The following ZNF536 variants were observed in gnomAD, a reference collection of about 807,000 sequenced individuals.
The protein encoded by ZNF536 is zinc finger protein 536.
Under a neutral mutation model 84.5 loss-of-function variants are expected in ZNF536, and 13 were observed. The observed-to-expected ratio is 0.15, with a 90% CI of 0.10 to 0.24. The LOEUF (loss-of-function observed/expected upper bound fraction) is 0.24. ZNF536 is among the 10% of genes least tolerant of loss of function. ZNF536 has a pLI of 1.00. For missense variants in ZNF536, 1,536 were observed against 1,747.5 expected (o/e 0.88, Z 2.16); for synonymous variants, 811 against 742.5 (o/e 1.09, Z -1.50).
chr19:30,476,892 G>A (rs964277241), intron 2 of ZNF536, among the ~76,000 whole-genome samples: 2 of 152,030 alleles, frequency 1.3e-5, no homozygotes, highest in Non-Finnish European at 2.9e-5. Flanking sequence ...TGCTCTTTCT[G>A]TCACTCCTCA....
At chr19:30,407,794 A>T (rs1386281378) in intron 1 of ZNF536, among the ~76,000 whole-genome samples, 1 of 152,172 alleles carries the variant, frequency 6.6e-6, no homozygotes, top group African/African-American at 2.4e-5. Context: ...ACCCTTCTTG[A>T]TGAGTGCAAA....
At chr19:30,655,044 G>A (rs767129311) in intron 1 of ZNF536, among the ~76,000 whole-genome samples, 4 of 152,210 alleles carry the variant, frequency 2.6e-5, no homozygotes, top group Non-Finnish European at 5.9e-5. Flanking sequence ...CTCCTACAAC[G>A]AAGCACTCTG....
At chr19:30,442,461 A>G (rs1009350408) in intron 1 of ZNF536, among the ~76,000 whole-genome samples, 4 of 152,220 alleles carry the variant, frequency 2.6e-5, no homozygotes, top group Non-Finnish European at 5.9e-5. Flanking sequence ...AAAACACTCA[A>G]ACTTGGTTGA....
intron 2 of ZNF536, among the ~76,000 whole-genome samples, chr19:30,452,119 T>C (rs2052634985): frequency 6.6e-6 from 1 of 152,168 alleles, no homozygotes; most frequent in African/African-American, 2.4e-5. Context: ...GAAGCAGGTA[T>C]CACGAGCTTC....
In ZNF536 at chr19:30,348,395, G is replaced by A. The variant is rs1600325633; in HGVS notation, c.-119-3973G>A. 1.3e-5 allele frequency among the ~76,000 whole-genome samples: 2 copies of A among 152,208 alleles called. 1 individual carries two copies. Among genetic ancestry groups the A allele is most frequent in the Admixed American group, 1.3e-4 (2 of 15,298 alleles). Reference sequence around the variant, plus strand: ...CATTTTTTTGTGGCCTGGGAGAGGTGCAGGCTAAACTCATCCACCGTGACT... The same window carrying A: ...CATTTTTTTGTGGCCTGGGAGAGGTACAGGCTAAACTCATCCACCGTGACT... On this transcript the variant is annotated intron_variant, in intron 2 of 5. Transcript: ENST00000585628.
chr19:30,309,835 C>T (rs183922661), intron 2 of ZNF536, among the ~76,000 whole-genome samples: 17 of 152,200 alleles, frequency 1.1e-4, no homozygotes, highest in Non-Finnish European at 2.5e-4. Context: ...GTGACTTCGA[C>T]GGCTTTGCTC....
intron 1 of ZNF536, among the ~76,000 whole-genome samples, chr19:30,638,941 TC>T (rs1315895678): frequency 6.6e-6 from 1 of 152,226 alleles, no homozygotes; most frequent in Non-Finnish European, 1.5e-5. Context: ...CCAGTTGATT[TC>T]TTTTGGCGAT....
intron 2 of ZNF536, among the ~76,000 whole-genome samples, chr19:30,501,172 C>T (rs1312059831): frequency 6.6e-6 from 1 of 152,208 alleles, no homozygotes; most frequent in African/African-American, 2.4e-5. Context: ...AGGACCACCA[C>T]TGCCCATATT....
At chr19:30,628,785 ACCT>A (rs1437044316) in intron 1 of ZNF536, among the ~76,000 whole-genome samples, 2 of 151,140 alleles carry the variant, frequency 1.3e-5, no homozygotes, top group African/African-American at 4.9e-5. Flanking sequence ...TGCAACCTCC[ACCT>A]CCTGGGTCCT....
At position 30,547,998 on chromosome 19, in the gene ZNF536, C is replaced by T; in HGVS notation, c.2379C>T (p.Ser793=). The stretch of plus-strand genomic sequence containing the variant: ...ACTATGCCGGCACGCAGTCAGCATC[C>T]TTAAAATACCACTTAGAGCGACACC... ...HCDYAGTQSA[S]LKYHLERHHR... is the part of the protein sequence containing the mutation. The change falls in exon 4 of 5, where the codon TCC becomes TCT. Residue 793 remains serine (S), a synonymous_variant. Transcript: ENST00000355537. 1 of 1,607,804 alleles carries T rather than the reference C, an allele frequency of 6.2e-7. No homozygotes were observed. Among genetic ancestry groups the T allele is most frequent in the Non-Finnish European group, 8.5e-7 (1 of 1,176,996 alleles).
At chr19:30,412,858 A>T (rs1600629300) in intron 1 of ZNF536, among the ~76,000 whole-genome samples, 1 of 152,014 alleles carries the variant, frequency 6.6e-6, no homozygotes, top group East Asian at 1.9e-4. Context: ...CATAAAAGTG[A>T]TGAGGCTTTT....
chr19:30,449,967 G>T (rs564220912), intron 2 of ZNF536, among the ~76,000 whole-genome samples: 9 of 151,484 alleles, frequency 5.9e-5, no homozygotes, highest in Admixed American at 3.9e-4. Context: ...CCCTGCCCCC[G>T]TTCACGATAA....
chr19:30,339,660 C>T (rs1423574624), intron 2 of ZNF536, among the ~76,000 whole-genome samples: 2 of 152,124 alleles, frequency 1.3e-5, no homozygotes, highest in African/African-American at 4.8e-5. Flanking sequence ...GAGGGTTGCC[C>T]TCTGGGGGCT....
At chr19:30,254,733 G>T (rs76102530) in intron 1 of ZNF536, among the ~76,000 whole-genome samples, 2 of 152,180 alleles carry the variant, frequency 1.3e-5, no homozygotes, top group African/African-American at 4.8e-5. Context: ...TTGTTTGTGT[G>T]GTTTCACTTT....
chr19:30,478,230 G>C (rs1256824744), intron 2 of ZNF536, among the ~76,000 whole-genome samples: 1 of 149,704 alleles, frequency 6.7e-6, no homozygotes, highest in Non-Finnish European at 1.5e-5. Flanking sequence ...TATATGCTAT[G>C]AAGTCATTTT....
intron 1 of ZNF536, among the ~76,000 whole-genome samples, chr19:30,585,262 A>G (rs1413992667): frequency 6.6e-6 from 1 of 152,198 alleles, no homozygotes; most frequent in Non-Finnish European, 1.5e-5. Context: ...CTGTACATGG[A>G]CACTTAAAGG....
At chr19:30,274,188 T>C (rs2026003529) in intron 1 of ZNF536, among the ~76,000 whole-genome samples, 1 of 152,262 alleles carries the variant, frequency 6.6e-6, no homozygotes, top group Admixed American at 6.5e-5. Context: ...TTTCAAGTGA[T>C]ATCCGTGATA....
chr19:30,410,463 G>GTTTTTTT (rs1165876265), intron 1 of ZNF536, among the ~76,000 whole-genome samples: 1 of 94,690 alleles, frequency 1.1e-5, no homozygotes, highest in African/African-American at 6.1e-5. Flanking sequence ...AAAAGTGAAG[G>GTTTTTTT]TCTTTTTTTT....
intron 2 of ZNF536, among the ~76,000 whole-genome samples, chr19:30,330,103 C>A (rs1254556568): frequency 6.6e-6 from 1 of 152,244 alleles, no homozygotes; most frequent in Non-Finnish European, 1.5e-5. Flanking sequence ...TGATTACTCC[C>A]GTCACCACCA....
Sources: gnomAD v4.1 joint callset for allele counts (sites outside exome capture counted in the v4.1 genomes callset) on GRCh38, gnomAD v4.1.1 for gene constraint, MANE v1.5 for transcripts, NCBI Gene and HGNC (gene_info 2026-07-23, HGNC 2026-07-21) for gene names.